Variants in RUNX1 observed in about 807,000 individuals in gnomAD.
RUNX1 encodes RUNX family transcription factor 1.
RUNX1 carries 19 observed loss-of-function variants against 42.8 expected under a neutral mutation model. The observed-to-expected ratio is 0.44, with a 90% CI of 0.31 to 0.65. The LOEUF is 0.65. Ranked by LOEUF, RUNX1 falls within the 30% of genes least tolerant of loss-of-function variation. The probability of loss-of-function intolerance (pLI) is 0.07; values close to 1 mark genes in which losing one functional copy is unlikely to be tolerated. For missense variants in RUNX1, 528 were observed against 672.0 expected, an observed-to-expected ratio of 0.79 and a Z score of 2.37; for synonymous variants, 271 against 289.4, an observed-to-expected ratio of 0.94 and a Z score of 0.64.
intron 2 of RUNX1, among the ~76,000 whole-genome samples, chr21:34,899,884 C>T (rs941129650): frequency 1.3e-5 from 2 of 152,212 alleles, no homozygotes; most frequent in Non-Finnish European, 2.9e-5. Context: ...GAGGCTCAAG[C>T]TTCTAACTCC....
intron 2 of RUNX1, among the ~76,000 whole-genome samples, chr21:34,909,729 T>C (rs1296221963): frequency 6.6e-6 from 1 of 152,162 alleles, no homozygotes; most frequent in Non-Finnish European, 1.5e-5. Flanking sequence ...CCATGAGAGA[T>C]GAGCTTGTTT....
At chr21:34,886,011 G>A (rs1002036216) in intron 4 of RUNX1, among the ~76,000 whole-genome samples, 4 of 152,208 alleles carry the variant, frequency 2.6e-5, no homozygotes, top group Non-Finnish European at 4.4e-5. Flanking sequence ...AAGCTTTGGG[G>A]ATGATCAGGG....
rs753376521 is a variant in RUNX1 at position 34,892,883 on chromosome 21, G to A, written c.97+42C>T. On this transcript the variant is annotated intron_variant, in intron 3 of 8. Transcript: ENST00000675419. ...TAAAATCATATACACATCTATGAAG[G>A]TGTGTACTTTATTTAAAAATATAAC... 4 of 1,110,638 alleles carry A rather than the reference G, an allele frequency of 3.6e-6. No individual in the cohort carries two copies. The East Asian group carries it at 7.1e-5, about 20-fold the overall frequency. The allele number at this position is 1,110,638 out of a possible 1,614,324, so 68.8% of individuals were successfully genotyped here. A position where few individuals can be genotyped will look rare whatever the true frequency, so the allele number is the denominator to read the frequency against.
At chr21:35,038,792 C>G (rs1601701075) in intron 2 of RUNX1, 1 of 455,072 alleles carries the variant, frequency 2.2e-6, no homozygotes, top group Non-Finnish European at 4.4e-6. Flanking sequence ...TCCCACTTCC[C>G]AGGGCTCCTT....
At chr21:34,864,810 TAAG>T (rs2057633691) in intron 5 of RUNX1, among the ~76,000 whole-genome samples, 1 of 152,066 alleles carries the variant, frequency 6.6e-6, no homozygotes, top group African/African-American at 2.4e-5. Flanking sequence ...TCATACTGAA[TAAG>T]AAGGTGAGAA....
intron 2 of RUNX1, among the ~76,000 whole-genome samples, chr21:34,981,352 C>T (rs543246311): frequency 2.0e-5 from 3 of 152,324 alleles, no homozygotes; most frequent in East Asian, 1.9e-4. Flanking sequence ...TGGCAATACT[C>T]TTCTGAATTT....
At chr21:34,923,181 G>C (rs1485533780) in intron 2 of RUNX1, among the ~76,000 whole-genome samples, 1 of 152,174 alleles carries the variant, frequency 6.6e-6, no homozygotes, top group Non-Finnish European at 1.5e-5. Flanking sequence ...GTTAGGACGG[G>C]TGGCTGTATA....
chr21:35,035,975 T>A (rs1165985060), intron 2 of RUNX1, among the ~76,000 whole-genome samples: 2 of 152,138 alleles, frequency 1.3e-5, no homozygotes, highest in South Asian at 2.1e-4. Flanking sequence ...ACTCTGGGCC[T>A]CCCCAGAGGC....
At chr21:35,021,843 G>A (rs2059200579) in intron 2 of RUNX1, among the ~76,000 whole-genome samples, 1 of 152,196 alleles carries the variant, frequency 6.6e-6, no homozygotes, top group Non-Finnish European at 1.5e-5. Context: ...GCTGTCCCCA[G>A]AAGGCCTCTC....
intron 2 of RUNX1, among the ~76,000 whole-genome samples, chr21:34,973,387 G>A (rs1050061235): frequency 2.6e-4 from 39 of 152,270 alleles, no homozygotes; most frequent in African/African-American, 8.7e-4. Flanking sequence ...TTCCTGACCT[G>A]GATTGGACAA....
intron 7 of RUNX1, among the ~76,000 whole-genome samples, chr21:34,800,237 T>C (rs1320991654): frequency 6.6e-6 from 1 of 152,230 alleles, no homozygotes; most frequent in Admixed American, 6.5e-5. Flanking sequence ...ACAAAGTGGA[T>C]TTTGTCAATT....
At chr21:34,863,551 T>TA (rs71196912) in intron 5 of RUNX1, among the ~76,000 whole-genome samples, 39 of 70,532 alleles carry the variant, frequency 5.5e-4, no homozygotes, top group African/African-American at 3.5e-3. Context: ...CATGCCCATC[T>TA]TTTTTTTTTT....
chr21:34,918,672 G>T (rs143421769), intron 2 of RUNX1, among the ~76,000 whole-genome samples: 2,035 of 152,296 alleles, frequency 0.013, 22 homozygotes, highest in Non-Finnish European at 0.018. Context: ...CACTTTGGGA[G>T]GCCAAGGCAG....
At chr21:34,872,781 T>A (rs1442439819) in intron 5 of RUNX1, among the ~76,000 whole-genome samples, 6 of 152,092 alleles carry the variant, frequency 3.9e-5, no homozygotes, top group Admixed American at 3.9e-4. Context: ...GTTTAGTAGA[T>A]CCCTGGCCTC....
chr21:35,035,653 G>A (rs562031089), intron 2 of RUNX1, among the ~76,000 whole-genome samples: 17 of 152,254 alleles, frequency 1.1e-4, no homozygotes, highest in South Asian at 4.1e-4. Flanking sequence ...ACAATGAAAC[G>A]GCATCATCTC....
intron 5 of RUNX1, among the ~76,000 whole-genome samples, chr21:34,860,525 C>CTG (rs1354363123): frequency 5.7e-5 from 7 of 123,310 alleles, no homozygotes; most frequent in African/African-American, 2.2e-4. Context: ...CAGGGTGTGT[C>CTG]TGTGCGTGTG....
chr21:34,885,410 C>T (rs2057968169), intron 4 of RUNX1, among the ~76,000 whole-genome samples: 1 of 152,072 alleles, frequency 6.6e-6, no homozygotes, highest in Non-Finnish European at 1.5e-5. Context: ...TCTAAGTAAA[C>T]GGAGGGAGGG....
intron 3 of RUNX1, chr21:34,889,574 A>T (rs983491165): frequency 1.3e-6 from 1 of 772,558 alleles, no homozygotes; most frequent in Non-Finnish European, 1.6e-6. Flanking sequence ...CAGCAGCCGG[A>T]CAGCCTGCCC....
At chr21:35,031,061 A>G (rs2059269350) in intron 2 of RUNX1, among the ~76,000 whole-genome samples, 1 of 152,212 alleles carries the variant, frequency 6.6e-6, no homozygotes, top group Non-Finnish European at 1.5e-5. Flanking sequence ...CAAAAAGTTA[A>G]GAGATGGCCG....
Sources: gnomAD v4.1 joint callset for allele counts (sites outside exome capture counted in the v4.1 genomes callset) on GRCh38, gnomAD v4.1.1 for gene constraint, MANE v1.5 for transcripts, NCBI Gene and HGNC (gene_info 2026-07-23, HGNC 2026-07-21) for gene names.